The following RGS5 variants were observed in gnomAD, a reference collection of about 807,000 sequenced individuals.
RGS5 encodes regulator of G-protein signalling 5.
In RGS5, 20 loss-of-function variants were observed where a neutral mutation model predicts 18.9. That is an observed-to-expected ratio of 1.06 (90% CI 0.74 to 1.54). The LOEUF is 1.54. Among genes scored for constraint, RGS5 ranks in the 40% most tolerant of loss-of-function variants. The probability of loss-of-function intolerance (pLI) is 0.00; values close to 1 mark genes in which losing one functional copy is unlikely to be tolerated. For missense variants in RGS5, 201 were observed against 211.8 expected (o/e 0.95, Z 0.32); for synonymous variants, 57 against 76.2 (o/e 0.75, Z 1.31).
intron 1 of RGS5, among the ~76,000 whole-genome samples, chr1:163,201,168 A>G (rs1659757881): frequency 6.6e-6 from 1 of 152,206 alleles, no homozygotes; most frequent in South Asian, 2.1e-4. Context: ...ACAATTTCAA[A>G]CAATAAGTAT....
At chr1:163,155,226 T>C (rs1181120010) in intron 3 of RGS5, among the ~76,000 whole-genome samples, 2 of 152,130 alleles carry the variant, frequency 1.3e-5, no homozygotes, top group African/African-American at 2.4e-5. Context: ...TTGGAAAGCA[T>C]AGGGACAAAA....
intron 1 of RGS5, among the ~76,000 whole-genome samples, chr1:163,175,315 T>G (rs1658498981): frequency 6.6e-6 from 1 of 152,180 alleles, no homozygotes; most frequent in Admixed American, 6.5e-5. Flanking sequence ...AGAGGGTCCC[T>G]GCGCGGGCCT....
chr1:163,288,185 C>T (rs750601468), intron 2 of RGS5, among the ~76,000 whole-genome samples: 1 of 150,688 alleles, frequency 6.6e-6, no homozygotes, highest in Non-Finnish European at 1.5e-5. Context: ...AAATTTAGAT[C>T]CAAAAAAGTA....
chr1:163,163,454 T>G (rs1182515224), intron 2 of RGS5, among the ~76,000 whole-genome samples: 1 of 150,366 alleles, frequency 6.7e-6, no homozygotes, highest in Non-Finnish European at 1.5e-5. Flanking sequence ...TCTTCCCATT[T>G]CCTCTGGCTA....
chr1:163,223,661 A>G (rs1023280693), intron 2 of RGS5, among the ~76,000 whole-genome samples: 1 of 152,206 alleles, frequency 6.6e-6, no homozygotes, highest in Non-Finnish European at 1.5e-5. Flanking sequence ...ACTTCCAGCT[A>G]TACTCTAGAG....
At chr1:163,190,421 T>C (rs1659295863) in intron 1 of RGS5, among the ~76,000 whole-genome samples, 1 of 152,112 alleles carries the variant, frequency 6.6e-6, no homozygotes, top group South Asian at 2.1e-4. Flanking sequence ...AGAGAAACAC[T>C]CTAATGGGGA....
At chr1:163,271,956 G>A (rs1292837588) in intron 2 of RGS5, among the ~76,000 whole-genome samples, 5 of 151,960 alleles carry the variant, frequency 3.3e-5, no homozygotes, top group Admixed American at 3.3e-4. Flanking sequence ...ACAATGCTTT[G>A]TATTGTCTTA....
intron 2 of RGS5, among the ~76,000 whole-genome samples, chr1:163,281,492 T>C (rs1268607158): frequency 6.6e-6 from 1 of 152,000 alleles, no homozygotes; most frequent in Non-Finnish European, 1.5e-5. Context: ...GCCAGGCTCC[T>C]TTAAACAACC....
chr1:163,152,457 T>C, intron 4 of RGS5, 93 bp downstream of exon 4: 1 of 1,346,728 alleles, frequency 7.4e-7, no homozygotes, highest in Non-Finnish European at 1.0e-6. Flanking sequence ...GGAATAGCCT[T>C]TGGCTCCCAA....
At chr1:163,205,205 G>A (rs1659915432), upstream of RGS5, among the ~76,000 whole-genome samples, 1 of 151,898 alleles carries the variant, frequency 6.6e-6, no homozygotes, top group Non-Finnish European at 1.5e-5. Flanking sequence ...AGTTTCAATA[G>A]GTATAAAGTT....
rs1310118795 is a variant in RGS5, at chr1:163,143,389, C to T, written c.*3953G>A. The stretch of plus-strand genomic sequence containing the variant: ...GATGTTGGAGATTACATTTTCTATT[C>T]TCTGCTTTCTGGCACATGCAAGCCA... On this transcript the variant is annotated 3_prime_UTR_variant, in exon 5 of 5. Transcript: ENST00000313961. The T allele has an allele frequency of 2.0e-5, 3 of 152,126 alleles. No individual in the cohort carries two copies. The highest frequency in any genetic ancestry group is 2.9e-5 in the Non-Finnish European group (2 of 68,000). The allele number at this position is 152,126 out of a possible 1,614,324, so 9.4% of individuals were successfully genotyped here.
At chr1:163,200,715 A>G (rs1413887865) in intron 1 of RGS5, among the ~76,000 whole-genome samples, 1 of 152,170 alleles carries the variant, frequency 6.6e-6, no homozygotes, top group Non-Finnish European at 1.5e-5. Context: ...AATAGCTCAC[A>G]ATAATTGCGT....
intron 1 of RGS5, among the ~76,000 whole-genome samples, chr1:163,306,632 G>C (rs747830317): frequency 1.3e-5 from 2 of 152,140 alleles, no homozygotes; most frequent in Non-Finnish European, 2.9e-5. Flanking sequence ...GACCTTATTT[G>C]TAAATAGGGT....
intron 3 of RGS5, among the ~76,000 whole-genome samples, chr1:163,160,199 T>C (rs1657747579): frequency 6.6e-6 from 1 of 152,166 alleles, no homozygotes; most frequent in Non-Finnish European, 1.5e-5. Context: ...ACATAAATAT[T>C]TATTCTTCTC....
At chr1:163,168,791 G>A (rs898907642) in intron 1 of RGS5, among the ~76,000 whole-genome samples, 16 of 152,058 alleles carry the variant, frequency 1.1e-4, no homozygotes, top group Admixed American at 9.8e-4. Flanking sequence ...TGCATGCATT[G>A]CCTACTAGTC....
intron 1 of RGS5, among the ~76,000 whole-genome samples, chr1:163,192,981 C>T (rs1192346100): frequency 1.3e-5 from 2 of 152,202 alleles, no homozygotes; most frequent in Admixed American, 6.5e-5. Flanking sequence ...ACAAGTGCCT[C>T]ATCAAGAAAC....
At chr1:163,282,640 T>C (rs539230431) in intron 2 of RGS5, among the ~76,000 whole-genome samples, 1 of 151,882 alleles carries the variant, frequency 6.6e-6, no homozygotes, top group Admixed American at 6.6e-5. Context: ...AGCCCAGGAG[T>C]TCAAAGCTGC....
At chr1:163,306,084 A>G (rs191359946) in intron 2 of RGS5, 96 of 152,318 alleles carry the variant, frequency 6.3e-4, no homozygotes, top group Middle Eastern at 3.4e-3. Context: ...GCTTGGGTAC[A>G]TTTTAATCAT....
chr1:163,274,104 T>C lies in RGS5; in HGVS notation c.-281+32129A>G, dbSNP rs570995106. 8.5e-5 allele frequency among the ~76,000 whole-genome samples: 13 copies of C among 152,310 alleles called. No individual in the cohort carries two copies. In the South Asian group the frequency reaches 2.5e-3, roughly 29 times the overall value. On this transcript the variant is annotated intron_variant, in intron 2 of 5. Coordinates refer to the RGS5 transcript ENST00000618415. The stretch of plus-strand genomic sequence containing the variant: ...CCCCTGGTTCCTGACATAGAGCTCC[T>C]AAACCCTTAAAATTTCCTGAGTGAT...
Sources: gnomAD v4.1 joint callset for allele counts (sites outside exome capture counted in the v4.1 genomes callset) on GRCh38, gnomAD v4.1.1 for gene constraint, MANE v1.5 for transcripts, NCBI Gene and HGNC (gene_info 2026-07-23, HGNC 2026-07-21) for gene names.